KREMEN1: variants seen among roughly 807,000 people sequenced by gnomAD.
KREMEN1 encodes kringle containing transmembrane protein 1, also known as kremen protein 1.
Under a neutral mutation model 46.5 loss-of-function variants are expected in KREMEN1, and 30 were observed. The ratio of observed to expected loss-of-function variants is 0.65; its 90% CI spans 0.48 to 0.88. KREMEN1 has a LOEUF of 0.88. Among genes scored for constraint, KREMEN1 ranks in the 40% least tolerant of loss-of-function variants. The pLI is 0.00. For synonymous variants in KREMEN1, 214 were observed against 230.6 expected, an observed-to-expected ratio of 0.93 and a Z score of 0.65; for missense variants, 533 against 596.9, an observed-to-expected ratio of 0.89 and a Z score of 1.11.
chr22:29,124,207 G>C (rs2038403452), intron 4 of KREMEN1, among the ~76,000 whole-genome samples: 1 of 152,092 alleles, frequency 6.6e-6, no homozygotes, highest in African/African-American at 2.4e-5. Flanking sequence ...TCCATACAAT[G>C]AACTCTGCTC....
chr22:29,106,123 C>T (rs2038055347), intron 3 of KREMEN1, among the ~76,000 whole-genome samples: 1 of 152,180 alleles, frequency 6.6e-6, no homozygotes, highest in Admixed American at 6.5e-5. Context: ...TTTCTGTCAG[C>T]ACTTTCTGTG....
intron 7 of KREMEN1, among the ~76,000 whole-genome samples, chr22:29,139,542 G>T (rs2038727486): frequency 6.6e-6 from 1 of 152,212 alleles, no homozygotes; most frequent in South Asian, 2.1e-4. Context: ...GTTCAAGAAT[G>T]CAGTGAGCTA....
chr22:29,102,768 G>A (rs2037996365), intron 3 of KREMEN1, among the ~76,000 whole-genome samples: 1 of 152,120 alleles, frequency 6.6e-6, no homozygotes, highest in Non-Finnish European at 1.5e-5. Flanking sequence ...CAGTTTTTCT[G>A]TGGCCCCTTG....
intron 3 of KREMEN1, among the ~76,000 whole-genome samples, chr22:29,118,721 C>G (rs1411527204): frequency 6.6e-6 from 1 of 152,130 alleles, no homozygotes; most frequent in Non-Finnish European, 1.5e-5. Context: ...ATTGGGAATT[C>G]AGGCTTCAAT....
chr22:29,076,057 T>C (rs1601744235), intron 1 of KREMEN1, among the ~76,000 whole-genome samples: 1 of 152,150 alleles, frequency 6.6e-6, no homozygotes, highest in Non-Finnish European at 1.5e-5. Flanking sequence ...AGACTTTCCT[T>C]CAAGGAGGAG....
At chr22:29,079,304 T>C (rs1419086221) in intron 1 of KREMEN1, among the ~76,000 whole-genome samples, 1 of 152,216 alleles carries the variant, frequency 6.6e-6, no homozygotes, top group Non-Finnish European at 1.5e-5. Flanking sequence ...ATTGGGGTGC[T>C]AGGGAGCACC....
At position 29,141,987 on chromosome 22, in the gene KREMEN1, C is replaced by T; in HGVS notation, c.1252C>T (p.Gln418Ter). ...TTCAGGGGACCTTAGGGATTGTCAT[C>T]AACCAGGGACTTCGGGGGAAATCTG... is the stretch of plus-strand genomic sequence containing the variant. ...PASGDLRDCH[Q>*]PGTSGEIWSI... is the part of the protein sequence containing the mutation. Residue 418 changes from glutamine (Q) to a stop codon, truncating the protein, a stop_gained, in exon 9 of 9, where the codon CAA (glutamine) becomes TAA (stop). Transcript: ENST00000400335. LOFTEE classifies it high-confidence loss of function. 2 of 1,612,924 alleles carry T rather than the reference C, an allele frequency of 1.2e-6. No homozygotes were observed. The highest frequency in any genetic ancestry group is 1.7e-6 in the Non-Finnish European group (2 of 1,179,472).
intron 1 of KREMEN1, among the ~76,000 whole-genome samples, chr22:29,085,451 C>T (rs928969568): frequency 6.6e-6 from 1 of 151,780 alleles, no homozygotes; most frequent in African/African-American, 2.4e-5. Flanking sequence ...GTAATAGTAC[C>T]ATTATTACAC....
chr22:29,108,410 T>A (rs189081119), intron 3 of KREMEN1, among the ~76,000 whole-genome samples: 183 of 152,360 alleles, frequency 1.2e-3, no homozygotes, highest in African/African-American at 4.2e-3. Flanking sequence ...CCAGTTAGGT[T>A]TGAATCATTA....
At chr22:29,138,825 GA>G (rs2145847727) in intron 7 of KREMEN1, 43 bp downstream of exon 7, 1 of 1,614,200 alleles carries the variant, frequency 6.2e-7, no homozygotes, top group East Asian at 2.2e-5. Flanking sequence ...GGAAGCCACA[GA>G]GTTGAAGGTA....
chr22:29,138,960 G>A (rs1211854706), intron 7 of KREMEN1, 178 bp downstream of exon 7: 4 of 897,836 alleles, frequency 4.5e-6, no homozygotes, highest in Non-Finnish European at 5.2e-6. Context: ...TATTAGCTTG[G>A]TTCCTTAGTC....
chr22:29,161,017 T>G (rs2039005454), intron 9 of KREMEN1, among the ~76,000 whole-genome samples: 1 of 151,810 alleles, frequency 6.6e-6, no homozygotes, highest in South Asian at 2.1e-4. Flanking sequence ...ATAAGCAAAA[T>G]CAGAAATAAC....
intron 5 of KREMEN1, chr22:29,134,037 A>T (rs1324401237): frequency 6.6e-6 from 1 of 152,126 alleles, no homozygotes; most frequent in Non-Finnish European, 1.5e-5. Flanking sequence ...CAGCACATAT[A>T]CTAAAATTGG....
chr22:29,125,144 G>A (rs1487380592), intron 4 of KREMEN1, 119 bp from the exon 5 acceptor site: 15 of 1,116,562 alleles, frequency 1.3e-5, no homozygotes, highest in East Asian at 2.4e-5. Flanking sequence ...AGGTCCCAGG[G>A]GAAGGGACCC....
At chr22:29,098,177 G>T (rs2037912740) in intron 2 of KREMEN1, among the ~76,000 whole-genome samples, 1 of 145,880 alleles carries the variant, frequency 6.9e-6, no homozygotes, top group African/African-American at 2.7e-5. Context: ...CAGATTGAGA[G>T]TTTGTCTCAA....
chr22:29,153,034 CG>C (rs1486147305), intron 9 of KREMEN1, among the ~76,000 whole-genome samples: 3 of 152,150 alleles, frequency 2.0e-5, no homozygotes, highest in Non-Finnish European at 2.9e-5. Context: ...GGGGAGTTCC[CG>C]GAACTGAGGG....
intron 1 of KREMEN1, among the ~76,000 whole-genome samples, chr22:29,074,070 G>A (rs537368159): frequency 8.9e-4 from 135 of 152,322 alleles, no homozygotes; most frequent in Non-Finnish European, 1.4e-3. Context: ...GAGGCGGGAG[G>A]AGCCGGCGCT....
chr22:29,129,707 G>A (rs1394197103), intron 5 of KREMEN1, among the ~76,000 whole-genome samples: 3 of 152,128 alleles, frequency 2.0e-5, no homozygotes, highest in African/African-American at 4.8e-5. Context: ...GCAGACAGAC[G>A]ACGGGGCTAG....
intron 3 of KREMEN1, among the ~76,000 whole-genome samples, chr22:29,117,788 A>C (rs1283941573): frequency 1.3e-5 from 2 of 152,218 alleles, no homozygotes; most frequent in Non-Finnish European, 2.9e-5. Flanking sequence ...TGGAAAACTA[A>C]GGTCCACAGA....
Sources: gnomAD v4.1 joint callset for allele counts (sites outside exome capture counted in the v4.1 genomes callset) on GRCh38, gnomAD v4.1.1 for gene constraint, MANE v1.5 for transcripts, NCBI Gene and HGNC (gene_info 2026-07-23, HGNC 2026-07-21) for gene names.